The following CADPS variants were observed in gnomAD, a reference collection of about 807,000 sequenced individuals.
CADPS encodes calcium dependent secretion activator, also known as calcium-dependent secretion activator 1.
CADPS carries 57 observed loss-of-function variants against 167.3 expected under a neutral mutation model. The observed-to-expected ratio is 0.34, with a 90% CI of 0.28 to 0.42. The LOEUF (loss-of-function observed/expected upper bound fraction) is 0.42, where lower values mean the gene tolerates loss of function less well. CADPS is among the 20% of genes least tolerant of loss of function. The pLI is 1.00. For synonymous variants in CADPS, 676 were observed against 635.3 expected (o/e 1.06, Z -0.96); for missense variants, 1,414 against 1,738.1 (o/e 0.81, Z 3.32).
At chr3:62,477,798 T>C (rs2061510289) in intron 23 of CADPS, among the ~76,000 whole-genome samples, 1 of 152,178 alleles carries the variant, frequency 6.6e-6, no homozygotes. Context: ...ACGGAGTGAA[T>C]GATGATGCTA....
At chr3:62,532,817 A>T in intron 13 of CADPS, 54 bp downstream of exon 13, 2 of 1,556,088 alleles carry the variant, frequency 1.3e-6, no homozygotes, top group Non-Finnish European at 1.8e-6. Context: ...GCCATAAACC[A>T]TTGCCAGTGC....
At chr3:62,783,201 T>C (rs972953340) in intron 1 of CADPS, among the ~76,000 whole-genome samples, 3 of 152,136 alleles carry the variant, frequency 2.0e-5, no homozygotes, top group Admixed American at 6.5e-5. Context: ...GGGCAAGCAA[T>C]GTCAGTGATG....
intron 3 of CADPS, among the ~76,000 whole-genome samples, chr3:62,705,557 T>C (rs1370035770): frequency 2.0e-5 from 3 of 152,060 alleles, no homozygotes; most frequent in South Asian, 2.1e-4. Context: ...GTGGGCACAA[T>C]AGAATCAGCT....
At chr3:62,709,546 C>T (rs2082971529) in intron 3 of CADPS, among the ~76,000 whole-genome samples, 1 of 152,094 alleles carries the variant, frequency 6.6e-6, no homozygotes, top group African/African-American at 2.4e-5. Flanking sequence ...GCAACTCCTA[C>T]CTTCAGTAGC....
intron 9 of CADPS, among the ~76,000 whole-genome samples, chr3:62,563,193 A>C (rs139335652): frequency 4.6e-5 from 7 of 151,446 alleles, no homozygotes; most frequent in Admixed American, 1.3e-4. Context: ...TCTGATAACC[A>C]GATATCTGAT....
chr3:62,671,471 A>G (rs1427753139), intron 3 of CADPS, among the ~76,000 whole-genome samples: 2 of 152,124 alleles, frequency 1.3e-5, no homozygotes, highest in Non-Finnish European at 2.9e-5. Flanking sequence ...GAAGAAAAAT[A>G]CAGGGGACTA....
intron 5 of CADPS, among the ~76,000 whole-genome samples, chr3:62,648,818 C>T (rs541164122): frequency 6.6e-6 from 1 of 151,712 alleles, no homozygotes; most frequent in Non-Finnish European, 1.5e-5. Context: ...CTTTAATTGG[C>T]AATAATCAAA....
rs533286148 is a variant in CADPS at position 62,613,511 on chromosome 3, T to C, written c.1326-20763A>G. Among the ~76,000 whole-genome samples the C allele has an allele frequency of 7.9e-5, 12 of 152,300 alleles. No homozygotes were observed. In the East Asian group the frequency reaches 1.2e-3, roughly 15 times the overall value. On this transcript the variant is annotated intron_variant, in intron 6 of 29. Transcript: ENST00000383710. Reference sequence around the variant, plus strand: ...AGAGCCTTTATTATGTTAATGTGCATTCCAGATTTTCAAGAGGGGCCACAG... The same window carrying C: ...AGAGCCTTTATTATGTTAATGTGCACTCCAGATTTTCAAGAGGGGCCACAG...
intron 3 of CADPS, among the ~76,000 whole-genome samples, chr3:62,705,117 T>C (rs1234994428): frequency 2.6e-5 from 4 of 152,144 alleles, no homozygotes; most frequent in African/African-American, 7.2e-5. Flanking sequence ...GAGACACTAA[T>C]GGAACTGGTT....
intron 1 of CADPS, among the ~76,000 whole-genome samples, chr3:62,800,734 T>A (rs1291271140): frequency 1.3e-5 from 2 of 152,166 alleles, no homozygotes; most frequent in Non-Finnish European, 2.9e-5. Flanking sequence ...TTAAATGTGT[T>A]TCTTAATATG....
At chr3:62,645,919 T>G in intron 5 of CADPS, 76 bp from the exon 6 acceptor site, 2 of 1,556,780 alleles carry the variant, frequency 1.3e-6, no homozygotes, top group African/African-American at 1.4e-5. Flanking sequence ...AATACACAAA[T>G]GAGAAGCTAC....
chr3:62,594,600 G>A (rs905943238), intron 6 of CADPS, among the ~76,000 whole-genome samples: 1 of 152,144 alleles, frequency 6.6e-6, no homozygotes, highest in Non-Finnish European at 1.5e-5. Context: ...GTCTGACTCT[G>A]TTGTCCAAGC....
At chr3:62,448,668 C>T (rs1254297096) in intron 26 of CADPS, among the ~76,000 whole-genome samples, 1 of 151,936 alleles carries the variant, frequency 6.6e-6, no homozygotes, top group Non-Finnish European at 1.5e-5. Context: ...GGCTGGAGTG[C>T]AGTGGCGCGA....
rs61098701 is a variant in CADPS, at chr3:62,442,215, C to CT, written c.3669+3549dup. ...TTAGTGGTATGCTGGTAAACTGACT[C>CT]TTTTTTTTTTTTTGAGATGGAGTTT... On this transcript the variant is annotated intron_variant, in intron 27 of 29. Transcript: ENST00000383710. Among the ~76,000 whole-genome samples, 343 of 141,232 alleles carry CT rather than the reference C, an allele frequency of 2.4e-3. 2 individuals carry two copies. The highest frequency in any genetic ancestry group is 0.013 in the East Asian group (61 of 4,856). The allele number at this position is 141,232 out of a possible 152,430, so 92.7% of individuals were successfully genotyped here. A position where few individuals can be genotyped will look rare whatever the true frequency, so the allele number is the denominator to read the frequency against.
At chr3:62,504,402 G>A (rs1393480774) in intron 17 of CADPS, among the ~76,000 whole-genome samples, 1 of 152,208 alleles carries the variant, frequency 6.6e-6, no homozygotes, top group Admixed American at 6.5e-5. Flanking sequence ...GTGAATGCAT[G>A]TTACCTGCAT....
At chr3:62,780,378 A>G (rs2091341307) in intron 1 of CADPS, among the ~76,000 whole-genome samples, 2 of 152,150 alleles carry the variant, frequency 1.3e-5, no homozygotes, top group African/African-American at 4.8e-5. Flanking sequence ...TGACAGCACC[A>G]CTGAACTCCA....
chr3:62,524,212 A>G (rs913836284), intron 13 of CADPS, among the ~76,000 whole-genome samples: 1 of 152,212 alleles, frequency 6.6e-6, no homozygotes, highest in African/African-American at 2.4e-5. Context: ...CACAAATTCA[A>G]GATAGCACCA....
intron 9 of CADPS, among the ~76,000 whole-genome samples, chr3:62,570,062 C>T (rs2081004493): frequency 6.6e-6 from 1 of 152,008 alleles, no homozygotes; most frequent in Non-Finnish European, 1.5e-5. Context: ...CACAGATATT[C>T]CCTGCAGCCT....
At chr3:62,749,376 G>C (rs1353878935) in intron 3 of CADPS, among the ~76,000 whole-genome samples, 1 of 152,150 alleles carries the variant, frequency 6.6e-6, no homozygotes, top group East Asian at 1.9e-4. Flanking sequence ...AGAGAGCATG[G>C]GAACTTTCAC....
Sources: gnomAD v4.1 joint callset for allele counts (sites outside exome capture counted in the v4.1 genomes callset) on GRCh38, gnomAD v4.1.1 for gene constraint, MANE v1.5 for transcripts, NCBI Gene and HGNC (gene_info 2026-07-23, HGNC 2026-07-21) for gene names.